Variants in EPHA6 observed in about 807,000 individuals in gnomAD.
EPHA6 encodes ephrin type-A receptor 6.
In EPHA6, 50 loss-of-function variants were observed where a neutral mutation model predicts 112.0. The observed-to-expected ratio is 0.45, with a 90% CI of 0.36 to 0.56. EPHA6 has a LOEUF of 0.56. EPHA6 is among the 20% of genes least tolerant of loss of function. EPHA6 has a pLI of 0.00. For synonymous variants in EPHA6, 529 were observed against 490.7 expected (o/e 1.08, Z -1.03); for missense variants, 1,280 against 1,417.4 (o/e 0.90, Z 1.56).
intron 3 of EPHA6, among the ~76,000 whole-genome samples, chr3:97,179,717 G>GTCTCTCTCTCTCTCTCTCTCTC (rs71113852): frequency 1.2e-4 from 14 of 119,176 alleles, no homozygotes; most frequent in African/African-American, 5.0e-4. Flanking sequence ...AACCTACAGA[G>GTCTCTCTCTCTCTCTCTCTCTC]TCTCTCTCTC....
At chr3:97,056,379 TCTC>T (rs1271661773) in intron 3 of EPHA6, among the ~76,000 whole-genome samples, 2 of 152,186 alleles carry the variant, frequency 1.3e-5, no homozygotes, top group African/African-American at 4.8e-5. Flanking sequence ...ACAAGTCTCT[TCTC>T]CTATCTAAAC....
intron 5 of EPHA6, among the ~76,000 whole-genome samples, chr3:97,272,671 G>T (rs2079928676): frequency 6.6e-6 from 1 of 151,820 alleles, no homozygotes; most frequent in Admixed American, 6.6e-5. Context: ...GGGTCACAGG[G>T]TGCTCAGTGG....
intron 3 of EPHA6, among the ~76,000 whole-genome samples, chr3:97,037,720 C>A (rs1204428892): frequency 1.3e-5 from 2 of 152,008 alleles, no homozygotes; most frequent in Non-Finnish European, 2.9e-5. Context: ...TCTGTTGTCA[C>A]ATACTGGTTG....
intron 3 of EPHA6, among the ~76,000 whole-genome samples, chr3:97,098,039 G>T (rs1220839527): frequency 1.3e-5 from 2 of 151,836 alleles, no homozygotes. Context: ...AACAATAATG[G>T]CACTCACATA....
intron 1 of EPHA6, among the ~76,000 whole-genome samples, chr3:96,821,362 T>C (rs1035466930): frequency 2.0e-5 from 3 of 151,986 alleles, no homozygotes; most frequent in Non-Finnish European, 4.4e-5. Context: ...CCAAATGCAG[T>C]AAATCTTACA....
At chr3:97,235,740 A>G (rs1450367285) in intron 4 of EPHA6, among the ~76,000 whole-genome samples, 1 of 152,110 alleles carries the variant, frequency 6.6e-6, no homozygotes, top group African/African-American at 2.4e-5. Context: ...AAGTCAATCT[A>G]AGGACATCCA....
intron 6 of EPHA6, among the ~76,000 whole-genome samples, chr3:97,433,829 T>C (rs2089661030): frequency 2.0e-5 from 3 of 152,030 alleles, no homozygotes; most frequent in Non-Finnish European, 2.9e-5. Flanking sequence ...TTCCACCCTC[T>C]AACACAGAAG....
At chr3:97,344,016 G>C (rs992374085) in intron 5 of EPHA6, among the ~76,000 whole-genome samples, 1 of 152,126 alleles carries the variant, frequency 6.6e-6, no homozygotes, top group Non-Finnish European at 1.5e-5. Flanking sequence ...TTTGTAGTGG[G>C]AATGTCTGTC....
At chr3:97,027,967 T>C (rs1212736758) in intron 3 of EPHA6, among the ~76,000 whole-genome samples, 1 of 152,206 alleles carries the variant, frequency 6.6e-6, no homozygotes, top group African/African-American at 2.4e-5. Context: ...ATTGCGTGTC[T>C]AGAATTCCCT....
intron 5 of EPHA6, among the ~76,000 whole-genome samples, chr3:97,264,842 G>A (rs2079620001): frequency 6.6e-6 from 1 of 152,142 alleles, no homozygotes; most frequent in Non-Finnish European, 1.5e-5. Context: ...AGCAGGGCTA[G>A]GAGCTGAACA....
chr3:97,669,878 T>C (rs1476606238), intron 14 of EPHA6, among the ~76,000 whole-genome samples: 1 of 152,180 alleles, frequency 6.6e-6, no homozygotes, highest in Non-Finnish European at 1.5e-5. Context: ...AGGTGTGAAT[T>C]AACAGCTGAT....
chr3:97,586,382 T>C (rs1342238998), intron 11 of EPHA6, among the ~76,000 whole-genome samples: 1 of 152,218 alleles, frequency 6.6e-6, no homozygotes, highest in African/African-American at 2.4e-5. Context: ...AAATGTTTCT[T>C]ATTGTCATTG....
At chr3:97,275,687 G>A (rs1284052821) in intron 5 of EPHA6, among the ~76,000 whole-genome samples, 1 of 152,106 alleles carries the variant, frequency 6.6e-6, no homozygotes, top group East Asian at 1.9e-4. Context: ...AGTGATAACA[G>A]GCTTTAATCC....
At chr3:97,741,642 A>G (rs1486623610) in intron 16 of EPHA6, among the ~76,000 whole-genome samples, 1 of 152,090 alleles carries the variant, frequency 6.6e-6, no homozygotes, top group Non-Finnish European at 1.5e-5. Flanking sequence ...TAATGAGTAG[A>G]TCAGGAATTT....
At chr3:97,412,679 A>G (rs2087809500) in intron 6 of EPHA6, among the ~76,000 whole-genome samples, 1 of 152,078 alleles carries the variant, frequency 6.6e-6, no homozygotes, top group Non-Finnish European at 1.5e-5. Context: ...ACATAAAAAG[A>G]TAAGGATGAA....
At position 97,214,038 on chromosome 3, in the gene EPHA6, T is replaced by TGTGTGAGAGAGA. The variant is rs1491420279; in HGVS notation, c.1115-12225_1115-12224insTGTGAGAGAGAG. ...GTGTGTGTGTGTGTGTGTGTGTGTG[T>TGTGTGAGAGAGA]GAGAGAGAGAGAGAGAGGGAGAGGG... On this transcript the variant is annotated intron_variant, in intron 3 of 17. Coordinates refer to ENST00000389672, the MANE Select transcript of EPHA6 (RefSeq NM_001080448.3). 9.6e-3 allele frequency among the ~76,000 whole-genome samples: 748 copies of TGTGTGAGAGAGA among 77,776 alleles called. 8 individuals carry two copies. Among genetic ancestry groups the TGTGTGAGAGAGA allele is most frequent in the African/African-American group, 0.025 (710 of 28,598 alleles). 51.0% of individuals were successfully genotyped at this position (77,776 alleles called of 152,430 possible).
At chr3:97,067,984 A>C (rs988266947) in intron 3 of EPHA6, among the ~76,000 whole-genome samples, 2 of 151,784 alleles carry the variant, frequency 1.3e-5, no homozygotes, top group Non-Finnish European at 2.9e-5. Flanking sequence ...ATCTCTAATA[A>C]AAATACAAAA....
intron 3 of EPHA6, among the ~76,000 whole-genome samples, chr3:97,192,857 C>T (rs182238298): frequency 6.2e-4 from 95 of 152,140 alleles, no homozygotes; most frequent in African/African-American, 2.2e-3. Flanking sequence ...TCCAGTTTTC[C>T]CAGCATCAAT....
Position 97,483,977 on chromosome 3 carries a change from T to C in EPHA6, c.2118T>C (p.Tyr706=). The part of the protein sequence containing the change: ...GIKTYIDPDT[Y]EDPSLAVHEF... ...AAACTTACATTGATCCAGATACATA[T>C]GAAGACCCATCCCTAGCAGTCCATG... Residue 706 remains tyrosine (Y), a synonymous_variant, in exon 10 of 18, where the codon TAT becomes TAC. Transcript: ENST00000389672. The C allele has an allele frequency of 1.2e-6, 2 of 1,609,414 alleles. No homozygotes were observed. Among genetic ancestry groups the C allele is most frequent in the Non-Finnish European group, 1.7e-6 (2 of 1,177,850 alleles).
Sources: allele counts gnomAD v4.1 joint callset (sites outside exome capture counted in the v4.1 genomes callset), GRCh38; gene constraint gnomAD v4.1.1; transcripts MANE v1.5; gene names NCBI Gene and HGNC (gene_info 2026-07-23, HGNC 2026-07-21).